IL1RAPL1: variants seen among roughly 807,000 people sequenced by gnomAD.
The protein encoded by IL1RAPL1 is interleukin-1 receptor accessory protein-like 1.
IL1RAPL1 carries 3 observed loss-of-function variants against 48.4 expected under a neutral mutation model. That is an observed-to-expected ratio of 0.06 (90% confidence interval 0.03 to 0.16). The LOEUF (loss-of-function observed/expected upper bound fraction) is 0.16, where lower values mean the gene tolerates loss of function less well. Among genes scored for constraint, IL1RAPL1 ranks in the 10% least tolerant of loss-of-function variants. The pLI is 1.00. For missense variants in IL1RAPL1, 349 were observed against 530.6 expected, an observed-to-expected ratio of 0.66 and a Z score of 3.36; for synonymous variants, 185 against 187.7, an observed-to-expected ratio of 0.99 and a Z score of 0.12.
intron 2 of IL1RAPL1, among the ~76,000 whole-genome samples, chrX:29,241,840 T>A (rs962114531): frequency 1.8e-5 from 2 of 111,745 alleles, no homozygotes; most frequent in African/African-American, 6.5e-5. Flanking sequence ...ATATAACATT[T>A]TTTTTCCCCA....
At chrX:29,431,853 G>A (rs1275812718) in intron 5 of IL1RAPL1, among the ~76,000 whole-genome samples, 3 of 111,401 alleles carry the variant, frequency 2.7e-5, no homozygotes, top group Admixed American at 9.6e-5. Flanking sequence ...GTGGGAATTA[G>A]AAGGAGCCCC....
At chrX:29,566,994 C>T (rs1449250421) in intron 5 of IL1RAPL1, among the ~76,000 whole-genome samples, 2 of 110,591 alleles carry the variant, frequency 1.8e-5, no homozygotes, top group Non-Finnish European at 3.8e-5. Flanking sequence ...CAACATAGAT[C>T]TAACTGATTA....
chrX:29,342,154 GTT>G (rs540068285), intron 3 of IL1RAPL1, among the ~76,000 whole-genome samples: 2,125 of 74,283 alleles, frequency 0.029, 18 homozygotes, highest in Non-Finnish European at 0.033. Context: ...GTGTGTGTGT[GTT>G]TGTTTTGTTT....
At chrX:29,336,214 T>G (rs1319075524) in intron 3 of IL1RAPL1, among the ~76,000 whole-genome samples, 1 of 99,132 alleles carries the variant, frequency 1.0e-5, no homozygotes, top group Non-Finnish European at 2.0e-5. Flanking sequence ...TGTACACACA[T>G]ACACCTTTAA....
chrX:29,082,813 T>G (rs761198213), intron 2 of IL1RAPL1, among the ~76,000 whole-genome samples: 14 of 112,183 alleles, frequency 1.2e-4, no homozygotes, highest in Non-Finnish European at 1.7e-4. Flanking sequence ...CCTAATGTTC[T>G]CACGATGATG....
At chrX:29,879,742 C>G (rs1931988197) in intron 6 of IL1RAPL1, among the ~76,000 whole-genome samples, 1 of 110,136 alleles carries the variant, frequency 9.1e-6, no homozygotes, top group East Asian at 2.8e-4. Flanking sequence ...TTTCTTGTAG[C>G]TTTTGGTTAA....
rs1054841812 is a variant in IL1RAPL1 at position 29,793,734 on chromosome X, A to T, written c.779-123730A>T. On this transcript the variant is annotated intron_variant, in intron 6 of 10. Coordinates refer to ENST00000378993, the MANE Select transcript of IL1RAPL1 (RefSeq NM_014271.4). Reference sequence around the variant, plus strand: ...TTTAGTCAATGAGTGAATAAATGCAATATTGGAATTAAAACATACTCTCAA... The same window carrying T: ...TTTAGTCAATGAGTGAATAAATGCATTATTGGAATTAAAACATACTCTCAA... Among the ~76,000 whole-genome samples, 3 of 112,423 alleles carry T rather than the reference A, an allele frequency of 2.7e-5. No individual in the cohort carries two copies. The Admixed American group carries it at 2.8e-4, about 11-fold the overall frequency.
chrX:29,809,973 A>G (rs1040850865), intron 6 of IL1RAPL1, among the ~76,000 whole-genome samples: 1 of 110,310 alleles, frequency 9.1e-6, no homozygotes, highest in Non-Finnish European at 1.9e-5. Context: ...TTAGTTCTAA[A>G]TTTTTTTAAG....
chrX:28,882,732 A>G (rs1417972597), intron 2 of IL1RAPL1, among the ~76,000 whole-genome samples: 1 of 112,215 alleles, frequency 8.9e-6, no homozygotes, highest in African/African-American at 3.2e-5. Flanking sequence ...GACCTGCCCT[A>G]CATGAAATGC....
At chrX:29,132,723 C>T (rs936160906) in intron 2 of IL1RAPL1, among the ~76,000 whole-genome samples, 13 of 111,864 alleles carry the variant, frequency 1.2e-4, no homozygotes, top group Non-Finnish European at 2.4e-4. Flanking sequence ...AAGCTCTAAG[C>T]CAGGCTTTTG....
At chrX:29,906,608 C>T (rs999178460) in intron 6 of IL1RAPL1, among the ~76,000 whole-genome samples, 6 of 100,331 alleles carry the variant, frequency 6.0e-5, no homozygotes, top group African/African-American at 2.2e-4. Flanking sequence ...CTACAACTGC[C>T]ATTATTGTGA....
intron 2 of IL1RAPL1, among the ~76,000 whole-genome samples, chrX:29,003,645 A>G (rs1363570718): frequency 1.8e-5 from 2 of 111,956 alleles, no homozygotes; most frequent in Non-Finnish European, 3.8e-5. Context: ...AACTATGGCA[A>G]TTTGATTCAG....
chrX:28,834,267 G>A (rs1326000117), intron 2 of IL1RAPL1, among the ~76,000 whole-genome samples: 3 of 103,016 alleles, frequency 2.9e-5, no homozygotes, highest in African/African-American at 1.1e-4. Flanking sequence ...GGCAATTTTT[G>A]TGTGTATCTT....
intron 5 of IL1RAPL1, among the ~76,000 whole-genome samples, chrX:29,458,725 GTT>G (rs35108405): frequency 1.0e-5 from 1 of 100,302 alleles, no homozygotes. Flanking sequence ...GAACGTTTTT[GTT>G]TTTTTTTTTT....
At chrX:29,929,753 A>T (rs1352725159) in intron 8 of IL1RAPL1, among the ~76,000 whole-genome samples, 1 of 111,613 alleles carries the variant, frequency 9.0e-6, no homozygotes, top group African/African-American at 3.3e-5. Flanking sequence ...CCTGACTTAA[A>T]TCAGCTTAGA....
chrX:29,752,240 G>A (rs1928499466), intron 6 of IL1RAPL1, among the ~76,000 whole-genome samples: 1 of 106,772 alleles, frequency 9.4e-6, no homozygotes, highest in African/African-American at 3.4e-5. Context: ...GCTCACACCT[G>A]TAATCCCAGC....
At chrX:29,644,687 C>A (rs1673335368) in intron 5 of IL1RAPL1, among the ~76,000 whole-genome samples, 1 of 111,844 alleles carries the variant, frequency 8.9e-6, no homozygotes, top group Non-Finnish European at 1.9e-5. Flanking sequence ...CTGCCTCAGC[C>A]TCCTGAGTAG....
At chrX:29,489,512 A>G (rs962601224) in intron 5 of IL1RAPL1, among the ~76,000 whole-genome samples, 6 of 112,310 alleles carry the variant, frequency 5.3e-5, no homozygotes. Flanking sequence ...CCATTAATTC[A>G]TCTTTAATGA....
chrX:29,853,275 T>C (rs1167100693), intron 6 of IL1RAPL1, among the ~76,000 whole-genome samples: 1 of 107,241 alleles, frequency 9.3e-6, no homozygotes, highest in African/African-American at 3.4e-5. Context: ...GGGAGGTCCC[T>C]TGAGCCTAGG....
Sources: gnomAD v4.1 joint callset for allele counts (sites outside exome capture counted in the v4.1 genomes callset) on GRCh38, gnomAD v4.1.1 for gene constraint, MANE v1.5 for transcripts, NCBI Gene and HGNC (gene_info 2026-07-23, HGNC 2026-07-21) for gene names.